The following SLC8A3 variants were observed in gnomAD, a reference collection of about 807,000 sequenced individuals.
SLC8A3 encodes the protein solute carrier family 8 member A3.
SLC8A3 carries 37 observed loss-of-function variants against 65.4 expected under a neutral mutation model. That is an observed-to-expected ratio of 0.57 (90% confidence interval 0.44 to 0.74). The LOEUF is 0.74. SLC8A3 is among the 30% of genes least tolerant of loss of function. The pLI is 0.00. For synonymous variants in SLC8A3, 461 were observed against 444.5 expected (o/e 1.04, Z -0.47); for missense variants, 1,112 against 1,172.1 (o/e 0.95, Z 0.75).
chr14:70,079,370 G>T (rs954552323), intron 2 of SLC8A3, among the ~76,000 whole-genome samples: 1 of 150,940 alleles, frequency 6.6e-6, no homozygotes, highest in Non-Finnish European at 1.5e-5. Flanking sequence ...AGGCGTGGTG[G>T]TGCACATCTG....
intron 2 of SLC8A3, among the ~76,000 whole-genome samples, chr14:70,148,645 A>G (rs1393773777): frequency 1.3e-5 from 2 of 152,158 alleles, no homozygotes; most frequent in African/African-American, 2.4e-5. Context: ...ACAAGGTAAG[A>G]ATGCTGGGTC....
chr14:70,103,778 G>A (rs138038066), intron 2 of SLC8A3, among the ~76,000 whole-genome samples: 295 of 152,096 alleles, frequency 1.9e-3, no homozygotes, highest in African/African-American at 6.9e-3. Flanking sequence ...ATAACAAGAC[G>A]GTAGATTTAA....
At chr14:70,095,181 A>G (rs181339731) in intron 2 of SLC8A3, among the ~76,000 whole-genome samples, 68 of 152,322 alleles carry the variant, frequency 4.5e-4, no homozygotes, top group African/African-American at 1.5e-3. Context: ...TTGGCTCTAC[A>G]AGGGTGCCAT....
chr14:70,131,913 G>A (rs1894854117), intron 2 of SLC8A3, among the ~76,000 whole-genome samples: 1 of 152,084 alleles, frequency 6.6e-6, no homozygotes, highest in Non-Finnish European at 1.5e-5. Context: ...GTGGGTCAAG[G>A]TCTGTCTTTA....
chr14:70,175,466 G>A (rs1429206038), intron 1 of SLC8A3, among the ~76,000 whole-genome samples: 1 of 152,156 alleles, frequency 6.6e-6, no homozygotes, highest in Non-Finnish European at 1.5e-5. Flanking sequence ...TGAAAGGGAT[G>A]GTGGAAGAGT....
At chr14:70,136,492 C>G (rs562306970) in intron 2 of SLC8A3, among the ~76,000 whole-genome samples, 9 of 152,192 alleles carry the variant, frequency 5.9e-5, no homozygotes, top group African/African-American at 2.2e-4. Flanking sequence ...CAGCTGCACC[C>G]GCTTTTTGGC....
intron 2 of SLC8A3, among the ~76,000 whole-genome samples, chr14:70,124,661 T>C (rs7158867): frequency 0.12 from 17,602 of 152,310 alleles, 1,219 homozygotes; most frequent in Non-Finnish European, 0.16. Context: ...CCCTCTGCCA[T>C]CTCCTGTAGG....
chr14:70,143,811 G>A (rs1454176156), intron 2 of SLC8A3, among the ~76,000 whole-genome samples: 1 of 152,084 alleles, frequency 6.6e-6, no homozygotes, highest in East Asian at 1.9e-4. Flanking sequence ...CAGAGAACCA[G>A]CAGCTCTATT....
chr14:70,094,581 T>C (rs1892026083), intron 2 of SLC8A3, among the ~76,000 whole-genome samples: 1 of 152,230 alleles, frequency 6.6e-6, no homozygotes. Context: ...TTCTGCATTC[T>C]CTCAGCAACA....
At chr14:70,185,673 A>T (rs1008032608) in intron 1 of SLC8A3, among the ~76,000 whole-genome samples, 1 of 152,256 alleles carries the variant, frequency 6.6e-6, no homozygotes, top group South Asian at 2.1e-4. Context: ...TCATTCAACC[A>T]ACATTTACTG....
At chr14:70,170,899 A>G (rs1257077466) in intron 1 of SLC8A3, among the ~76,000 whole-genome samples, 1 of 152,144 alleles carries the variant, frequency 6.6e-6, no homozygotes, top group Admixed American at 6.5e-5. Context: ...CACTCAGAGG[A>G]GAAGAGGTTA....
intron 2 of SLC8A3, among the ~76,000 whole-genome samples, chr14:70,095,096 T>G (rs763165170): frequency 5.9e-5 from 9 of 152,154 alleles, no homozygotes; most frequent in African/African-American, 9.7e-5. Flanking sequence ...CGTTGTGAGG[T>G]TTACAAGGGC....
intron 3 of SLC8A3, among the ~76,000 whole-genome samples, chr14:70,059,859 A>G (rs117603073): frequency 1.5e-3 from 222 of 152,258 alleles, no homozygotes; most frequent in Non-Finnish European, 1.9e-3. Context: ...GGCCTGCCCA[A>G]TGTCAGTCCT....
intron 2 of SLC8A3, among the ~76,000 whole-genome samples, chr14:70,075,366 A>G (rs980991347): frequency 2.6e-5 from 4 of 152,112 alleles, no homozygotes; most frequent in African/African-American, 9.7e-5. Context: ...GTGCCTGCCC[A>G]AGGTTTGCCA....
At chr14:70,079,347 A>G (rs1028614727) in intron 2 of SLC8A3, among the ~76,000 whole-genome samples, 2 of 144,616 alleles carry the variant, frequency 1.4e-5, no homozygotes, top group African/African-American at 5.1e-5. Flanking sequence ...AAAAAAAAAA[A>G]AAAAAATCAG....
At chr14:70,132,058 C>G (rs1332906123) in intron 2 of SLC8A3, among the ~76,000 whole-genome samples, 1 of 152,248 alleles carries the variant, frequency 6.6e-6, no homozygotes, top group East Asian at 1.9e-4. Context: ...GGCTGACTTA[C>G]ATATGTAGTT....
Position 70,167,392 on chromosome 14 carries a change from A to C in SLC8A3, c.1031T>G (p.Leu344Arg). ...QLVEMANYYA[L>R]SHQQKSRAFY... is the part of the protein sequence containing the mutation. The stretch of plus-strand genomic sequence containing the variant: ...GGCACGGCTCTTCTGTTGGTGGGAA[A>C]GAGCATAGTAATTGGCCATCTCCAC... Residue 344 changes from leucine to arginine, a missense_variant, in exon 2 of 7, where the codon CTT (leucine) becomes CGT (arginine). Leu to Arg is a moderately radical substitution (Grantham distance 102). Transcript: ENST00000356921. 2 of 1,614,164 alleles carry C rather than the reference A, an allele frequency of 1.2e-6. No individual in the cohort carries two copies. Among genetic ancestry groups the C allele is most frequent in the Non-Finnish European group, 8.5e-7 (1 of 1,180,026 alleles).
rs973829135 is a variant in SLC8A3, at chr14:70,045,248, A to G, written c.*699T>C. The stretch of plus-strand genomic sequence containing the variant: ...GTGAGCTTATTTCTACCCCAACACC[A>G]TCACTCCTCCCAAGAACTCAGAGAA... On this transcript the variant is annotated 3_prime_UTR_variant, in exon 7 of 7. Transcript: ENST00000356921. 3 of 152,144 alleles carry G rather than the reference A, an allele frequency of 2.0e-5. No individual in the cohort carries two copies. The highest frequency in any genetic ancestry group is 7.2e-5 in the African/African-American group (3 of 41,404). The allele number at this position is 152,144 out of a possible 1,614,324, so 9.4% of individuals were successfully genotyped here.
Position 70,046,886 on chromosome 14 carries a change from ATATG to A in SLC8A3, c.2390-567_2390-564del, listed in dbSNP as rs1886853205. On this transcript the variant is annotated intron_variant, in intron 6 of 6. Coordinates refer to ENST00000356921, the MANE Select transcript of SLC8A3 (RefSeq NM_182932.3). This position sits in a 1 kb window ranked among gnomAD's most constrained non-coding sequence, Gnocchi z 4.2. ...ACGGGGCTCTGTCTTTGTGGTTTAT[ATATG>A]TATCACAGGGCCTTGCAGGGTGTTT... The A allele has an allele frequency of 6.5e-6, 1 of 153,364 alleles. No individual in the cohort carries two copies. The allele number at this position is 153,364 out of a possible 1,614,324, so 9.5% of individuals were successfully genotyped here.
Sources: allele counts gnomAD v4.1 joint callset (sites outside exome capture counted in the v4.1 genomes callset), GRCh38; gene constraint gnomAD v4.1.1; non-coding constraint Gnocchi (gnomAD v3.1); transcripts MANE v1.5; gene names NCBI Gene and HGNC (gene_info 2026-07-23, HGNC 2026-07-21).